WWOX: variants seen among roughly 807,000 people sequenced by gnomAD.
The protein encoded by WWOX is WW domain containing oxidoreductase, also known as WW domain-containing oxidoreductase.
WWOX carries 69 observed loss-of-function variants against 46.2 expected under a neutral mutation model. The ratio of observed to expected loss-of-function variants is 1.49; its 90% CI spans 1.23 to 1.82. The LOEUF (loss-of-function observed/expected upper bound fraction) is 1.82, where lower values mean the gene tolerates loss of function less well. WWOX is among the 40% of genes most tolerant of loss of function. The probability of loss-of-function intolerance (pLI) is 0.00; values close to 1 mark genes in which losing one functional copy is unlikely to be tolerated. For synonymous variants in WWOX, 359 were observed against 202.6 expected (o/e 1.77, Z -6.56); for missense variants, 919 against 542.6 (o/e 1.69, Z -6.89).
chr16:78,692,426 T>C (rs1336097948), intron 8 of WWOX, among the ~76,000 whole-genome samples: 1 of 152,148 alleles, frequency 6.6e-6, no homozygotes, highest in Admixed American at 6.5e-5. Context: ...CATCAATCCC[T>C]CCCATTTACA....
At chr16:78,240,786 G>C (rs1597391081) in intron 5 of WWOX, among the ~76,000 whole-genome samples, 1 of 152,162 alleles carries the variant, frequency 6.6e-6, no homozygotes, top group African/African-American at 2.4e-5. Context: ...AGGTATTGCA[G>C]GTGCAAGGAT....
chr16:78,644,287 A>G (rs1053818053), intron 8 of WWOX, among the ~76,000 whole-genome samples: 3 of 152,140 alleles, frequency 2.0e-5, no homozygotes, highest in Non-Finnish European at 4.4e-5. Context: ...CACCCTAAGC[A>G]TCTGATCAGA....
intron 6 of WWOX, among the ~76,000 whole-genome samples, chr16:78,417,826 C>A (rs558550497): frequency 6.6e-6 from 1 of 152,116 alleles, no homozygotes; most frequent in African/African-American, 2.4e-5. Context: ...GTAGTGGGCA[C>A]CCTATGTGGA....
intron 8 of WWOX, among the ~76,000 whole-genome samples, chr16:78,967,879 A>G (rs1012779712): frequency 2.0e-5 from 3 of 152,198 alleles, no homozygotes; most frequent in African/African-American, 7.2e-5. Context: ...CCGGGGCCAC[A>G]TCAGTAGCTG....
At chr16:78,983,855 G>A (rs1384982040) in intron 8 of WWOX, among the ~76,000 whole-genome samples, 1 of 133,728 alleles carries the variant, frequency 7.5e-6, no homozygotes, top group Non-Finnish European at 1.6e-5. Context: ...CAGTCCATCT[G>A]TTATGAGAGC....
At chr16:78,629,644 C>G (rs1047679670) in intron 8 of WWOX, among the ~76,000 whole-genome samples, 1 of 152,338 alleles carries the variant, frequency 6.6e-6, no homozygotes, top group African/African-American at 2.4e-5. Context: ...TACCCTGCTC[C>G]TTGCCACAGG....
At chr16:78,904,270 C>G (rs1347863222) in intron 8 of WWOX, among the ~76,000 whole-genome samples, 1 of 129,890 alleles carries the variant, frequency 7.7e-6, no homozygotes, top group Non-Finnish European at 1.6e-5. Context: ...GTCGGAGTCT[C>G]ACTCTGTCGC....
intron 1 of WWOX, among the ~76,000 whole-genome samples, chr16:78,103,258 T>C (rs1187347417): frequency 8.3e-6 from 1 of 120,638 alleles, no homozygotes; most frequent in Non-Finnish European, 1.9e-5. Flanking sequence ...TTTTTTTTTT[T>C]TTTTTTAATT....
At chr16:78,641,618 C>T (rs2046713034) in intron 8 of WWOX, among the ~76,000 whole-genome samples, 1 of 152,268 alleles carries the variant, frequency 6.6e-6, no homozygotes, top group East Asian at 1.9e-4. Context: ...ATCTGTTTTC[C>T]TGCAGATGCC....
intron 5 of WWOX, among the ~76,000 whole-genome samples, chr16:78,201,268 C>G (rs1262997735): frequency 6.6e-6 from 1 of 152,042 alleles, no homozygotes; most frequent in African/African-American, 2.4e-5. Context: ...TTTGAGAAGA[C>G]AAATTAATAT....
At chr16:78,162,238 G>C (rs2034817402) in intron 4 of WWOX, among the ~76,000 whole-genome samples, 1 of 152,168 alleles carries the variant, frequency 6.6e-6, no homozygotes. Flanking sequence ...ATTCTAAGAT[G>C]AAAGTTTTAT....
chr16:78,972,061 G>A (rs926467249), intron 8 of WWOX, among the ~76,000 whole-genome samples: 1 of 152,046 alleles, frequency 6.6e-6, no homozygotes, highest in Non-Finnish European at 1.5e-5. Flanking sequence ...CTGATCTGCC[G>A]GAAGGTCTCC....
intron 8 of WWOX, among the ~76,000 whole-genome samples, chr16:78,490,133 A>AT (rs1555548515): frequency 0.25 from 35,114 of 140,884 alleles, 5,617 homozygotes; most frequent in African/African-American, 0.48. Flanking sequence ...TGGGGAAAAA[A>AT]TTTTTTTTTT....
At chr16:78,607,917 A>G (rs536671719) in intron 8 of WWOX, among the ~76,000 whole-genome samples, 1 of 152,286 alleles carries the variant, frequency 6.6e-6, no homozygotes, top group East Asian at 1.9e-4. Flanking sequence ...GAGACCTGTA[A>G]AAATATTGCT....
intron 5 of WWOX, among the ~76,000 whole-genome samples, chr16:78,235,504 C>T (rs144640977): frequency 0.011 from 1,634 of 152,304 alleles, 33 homozygotes; most frequent in African/African-American, 0.037. Context: ...GCCTCCGGAC[C>T]GGGTCTGGAG....
At chr16:78,940,762 C>A (rs1002280549) in intron 8 of WWOX, among the ~76,000 whole-genome samples, 2 of 149,860 alleles carry the variant, frequency 1.3e-5, no homozygotes, top group African/African-American at 4.9e-5. Flanking sequence ...TTCATGACGT[C>A]AAGTCCCTGT....
intron 8 of WWOX, among the ~76,000 whole-genome samples, chr16:79,070,567 G>T (rs936007205): frequency 6.6e-6 from 1 of 152,160 alleles, no homozygotes; most frequent in Admixed American, 6.5e-5. Context: ...AATGAGTGAG[G>T]CAGACGGGCA....
At chr16:78,965,463 G>A (rs186100260) in intron 8 of WWOX, among the ~76,000 whole-genome samples, 103 of 152,078 alleles carry the variant, frequency 6.8e-4, no homozygotes, top group African/African-American at 2.3e-3. Context: ...CCAGCTACTT[G>A]GGAGGCTGAG....
Position 78,221,386 on chromosome 16 carries a change from C to T in WWOX, c.516+57097C>T, listed in dbSNP as rs1666146211. The stretch of plus-strand genomic sequence containing the variant: ...GTAATATAAATACATAAAACTTCCT[C>T]TAGCTTTCTTGTGTTATGTGTAAAG... On this transcript the variant is annotated intron_variant, in intron 5 of 8. Transcript: ENST00000566780. 2.0e-5 allele frequency among the ~76,000 whole-genome samples: 3 copies of T among 152,278 alleles called. No individual in the cohort carries two copies. In the South Asian group the frequency reaches 6.2e-4, roughly 32 times the overall value.
Sources: allele counts gnomAD v4.1 joint callset (sites outside exome capture counted in the v4.1 genomes callset), GRCh38; gene constraint gnomAD v4.1.1; transcripts MANE v1.5; gene names NCBI Gene and HGNC (gene_info 2026-07-23, HGNC 2026-07-21).